KLHL29: variants seen among roughly 807,000 people sequenced by gnomAD.
KLHL29 encodes kelch-like protein 29.
KLHL29 carries 21 observed loss-of-function variants against 80.4 expected under a neutral mutation model. That is an observed-to-expected ratio of 0.26 (90% confidence interval 0.19 to 0.38). The LOEUF is 0.38. Ranked by LOEUF, KLHL29 falls within the 10% of genes least tolerant of loss-of-function variation. The pLI, the probability that KLHL29 is intolerant of heterozygous loss-of-function variation, is 1.00. For synonymous variants in KLHL29, 511 were observed against 526.8 expected, an observed-to-expected ratio of 0.97 and a Z score of 0.41; for missense variants, 867 against 1,223.9, an observed-to-expected ratio of 0.71 and a Z score of 4.35.
At chr2:23,402,994 C>G (rs896570916) in intron 1 of KLHL29, among the ~76,000 whole-genome samples, 3 of 150,480 alleles carry the variant, frequency 2.0e-5, no homozygotes, top group African/African-American at 7.3e-5. Context: ...ATAGTTTTCA[C>G]TGTAGACGTA....
intron 1 of KLHL29, among the ~76,000 whole-genome samples, chr2:23,427,074 G>A (rs956740580): frequency 2.6e-5 from 4 of 152,208 alleles, no homozygotes; most frequent in African/African-American, 7.2e-5. Context: ...CCAGGTGACC[G>A]CTGCATGGTG....
chr2:23,437,741 C>A lies in KLHL29; in HGVS notation c.-153-37819C>A, dbSNP rs560294381. Among the ~76,000 whole-genome samples the A allele has an allele frequency of 1.1e-3, 167 of 152,300 alleles. 1 individual carries two copies. The highest frequency in any genetic ancestry group is 3.9e-3 in the African/African-American group (161 of 41,558). ...TGTAGTATAGTTTTAAGTCAGGTAG[C>A]ATGATGTCTCCAGCTTTGTTCTTTT... On this transcript the variant is annotated intron_variant, in intron 1 of 13. Coordinates refer to ENST00000486442, the MANE Select transcript of KLHL29 (RefSeq NM_052920.2).
At chr2:23,543,765 T>G (rs912131663) in intron 2 of KLHL29, among the ~76,000 whole-genome samples, 2 of 152,228 alleles carry the variant, frequency 1.3e-5, no homozygotes, top group Non-Finnish European at 2.9e-5. Flanking sequence ...GCTGCCTGAG[T>G]AATTTTCCTC....
chr2:23,528,989 A>G (rs1357342521), intron 2 of KLHL29, among the ~76,000 whole-genome samples: 1 of 152,188 alleles, frequency 6.6e-6, no homozygotes, highest in Non-Finnish European at 1.5e-5. Flanking sequence ...TGTGATCCTC[A>G]TGGCCCCCAG....
At chr2:23,663,981 G>A (rs990871709) in intron 5 of KLHL29, among the ~76,000 whole-genome samples, 1 of 152,178 alleles carries the variant, frequency 6.6e-6, no homozygotes, top group South Asian at 2.1e-4. Context: ...TTATTAAGAC[G>A]TGTAGTTTCT....
chr2:23,674,371 G>C (rs1339682226), intron 5 of KLHL29, among the ~76,000 whole-genome samples: 1 of 152,140 alleles, frequency 6.6e-6, no homozygotes, highest in Admixed American at 6.5e-5. Flanking sequence ...GAGGATGTCA[G>C]GGCCCCAGCC....
At chr2:23,621,284 C>G (rs1051936462) in intron 3 of KLHL29, among the ~76,000 whole-genome samples, 1 of 152,206 alleles carries the variant, frequency 6.6e-6, no homozygotes, top group Admixed American at 6.5e-5. Context: ...GAAGCCCAGC[C>G]GGACTAAGAC....
intron 5 of KLHL29, among the ~76,000 whole-genome samples, chr2:23,648,158 CA>C (rs1669990641): frequency 6.6e-6 from 1 of 152,110 alleles, no homozygotes; most frequent in South Asian, 2.1e-4. Context: ...CCATCTGTTT[CA>C]AACTTCCTTC....
chr2:23,422,966 T>G (rs1039191657), intron 1 of KLHL29, among the ~76,000 whole-genome samples: 1 of 152,258 alleles, frequency 6.6e-6, no homozygotes, highest in Non-Finnish European at 1.5e-5. Flanking sequence ...GCAAGCCATT[T>G]ATGCCCCTAT....
chr2:23,653,057 C>G (rs1308489744), intron 5 of KLHL29, among the ~76,000 whole-genome samples: 1 of 152,192 alleles, frequency 6.6e-6, no homozygotes, highest in African/African-American at 2.4e-5. Context: ...TGAAGCAACT[C>G]ACCGCCTTCC....
chr2:23,641,777 A>G (rs1669777332), intron 4 of KLHL29, among the ~76,000 whole-genome samples: 1 of 152,150 alleles, frequency 6.6e-6, no homozygotes, highest in African/African-American at 2.4e-5. Flanking sequence ...TGAGCTCAGG[A>G]GTTCGAGACC....
chr2:23,687,706 A>T (rs567658209), intron 6 of KLHL29, among the ~76,000 whole-genome samples: 3 of 152,182 alleles, frequency 2.0e-5, no homozygotes, highest in African/African-American at 7.2e-5. Flanking sequence ...GGTTATGAAG[A>T]ATGGGCATTG....
chr2:23,478,366 G>C (rs558239087), intron 2 of KLHL29, among the ~76,000 whole-genome samples: 22 of 152,236 alleles, frequency 1.4e-4, no homozygotes, highest in African/African-American at 5.3e-4. Context: ...AGATGGTTCT[G>C]TGACCCCTGG....
intron 2 of KLHL29, among the ~76,000 whole-genome samples, chr2:23,530,560 C>T (rs1572381712): frequency 6.6e-6 from 1 of 152,322 alleles, no homozygotes; most frequent in Admixed American, 6.5e-5. Flanking sequence ...ATTGTTCACA[C>T]TGCACAACCC....
At chr2:23,628,383 G>C (rs1412144948) in intron 3 of KLHL29, among the ~76,000 whole-genome samples, 1 of 152,118 alleles carries the variant, frequency 6.6e-6, no homozygotes, top group Non-Finnish European at 1.5e-5. Context: ...GAAGGCCATA[G>C]GGGGCAGAGG....
At chr2:23,608,329 C>G (rs1447479407) in intron 3 of KLHL29, among the ~76,000 whole-genome samples, 2 of 152,198 alleles carry the variant, frequency 1.3e-5, no homozygotes, top group African/African-American at 4.8e-5. Flanking sequence ...ACCAGGAACT[C>G]CCACGCGCCT....
intron 1 of KLHL29, among the ~76,000 whole-genome samples, chr2:23,449,986 C>T (rs997070220): frequency 2.6e-5 from 4 of 152,208 alleles, no homozygotes; most frequent in African/African-American, 9.6e-5. Context: ...GACTCAGGGA[C>T]ACAGCCATTA....
chr2:23,649,388 C>T (rs780814526), intron 5 of KLHL29, among the ~76,000 whole-genome samples: 15 of 152,236 alleles, frequency 9.9e-5, no homozygotes, highest in Non-Finnish European at 1.6e-4. Context: ...GCTCTGTCCT[C>T]ATGGGGCTTG....
At chr2:23,667,997 T>C (rs1189843124) in intron 5 of KLHL29, 1 of 152,302 alleles carries the variant, frequency 6.6e-6, no homozygotes, top group Non-Finnish European at 1.5e-5. Flanking sequence ...TGGAAATGCC[T>C]AAAGCACTTC....
Sources: gnomAD v4.1 joint callset for allele counts (sites outside exome capture counted in the v4.1 genomes callset) on GRCh38, gnomAD v4.1.1 for gene constraint, MANE v1.5 for transcripts, NCBI Gene and HGNC (gene_info 2026-07-23, HGNC 2026-07-21) for gene names.